EVC: variants seen among roughly 807,000 people sequenced by gnomAD.
EVC encodes the protein evC complex member EVC.
A neutral mutation model predicts 118.9 loss-of-function variants in EVC; 116 were observed. The ratio of observed to expected loss-of-function variants is 0.98; its 90% CI spans 0.84 to 1.14. The LOEUF (loss-of-function observed/expected upper bound fraction) is 1.14, where lower values mean the gene tolerates loss of function less well. EVC is among the 50% of genes most tolerant of loss of function. The probability of loss-of-function intolerance (pLI) is 0.00; values close to 1 mark genes in which losing one functional copy is unlikely to be tolerated. For missense variants in EVC, 1,401 were observed against 1,246.4 expected, an observed-to-expected ratio of 1.12 and a Z score of -1.87; for synonymous variants, 619 against 534.7, an observed-to-expected ratio of 1.16 and a Z score of -2.18.
At chr4:5,747,828 A>T (rs900255223) in intron 7 of EVC, among the ~76,000 whole-genome samples, 2 of 152,240 alleles carry the variant, frequency 1.3e-5, no homozygotes, top group Non-Finnish European at 2.9e-5. Context: ...GTCACATTTC[A>T]TCGGCCCCTA....
chr4:5,814,800 A>C (rs1577684316), downstream of EVC, among the ~76,000 whole-genome samples: 3 of 142,830 alleles, frequency 2.1e-5, no homozygotes, highest in South Asian at 2.3e-4. Flanking sequence ...GCTCCTAGCC[A>C]CTCCTCACAT....
rs1730934016 is a variant in EVC at position 5,754,923 on chromosome 4, G to A, written c.1464+990G>A. On this transcript the variant is annotated intron_variant, in intron 10 of 20. Transcript: ENST00000264956. The surrounding 1 kb of genome is among the most constrained non-coding windows in gnomAD (Gnocchi z 5.8). ...TCTGCCAAGGGGTGGGTGGCACCAT[G>A]TCTGGGTCCAGGCTCAGCCCAGAAT... Among the ~76,000 whole-genome samples the A allele has an allele frequency of 1.3e-5, 2 of 152,106 alleles. No individual in the cohort carries two copies. The highest frequency in any genetic ancestry group is 1.3e-4 in the Admixed American group (2 of 15,282).
At chr4:5,761,519 G>A (rs1732011237) in intron 11 of EVC, among the ~76,000 whole-genome samples, 2 of 146,996 alleles carry the variant, frequency 1.4e-5, no homozygotes, top group African/African-American at 5.1e-5. Flanking sequence ...TGGTTGGGGG[G>A]TGGGGCAGCA....
Position 5,742,922 on chromosome 4 carries a change from G to T in EVC, c.801+1108G>T, listed in dbSNP as rs187882989. Among the ~76,000 whole-genome samples the T allele has an allele frequency of 4.6e-5, 7 of 152,340 alleles. No individual in the cohort carries two copies. The East Asian group carries it at 9.6e-4, about 21-fold the overall frequency. On this transcript the variant is annotated intron_variant, in intron 6 of 20. Coordinates refer to ENST00000264956, the MANE Select transcript of EVC (RefSeq NM_153717.3). The surrounding 1 kb of genome is among the most constrained non-coding windows in gnomAD (Gnocchi z 5.2). Reference sequence around the variant, plus strand: ...ACTCCTTGCGGAGCAGGGCTAACCCGTAGGCAGTGTGCCCAGAGTTGGTAA... The same window carrying T: ...ACTCCTTGCGGAGCAGGGCTAACCCTTAGGCAGTGTGCCCAGAGTTGGTAA...
chr4:5,825,931 C>CATGCAGTCATGCACACATAT, the EVC span: 1 of 490,368 alleles, frequency 2.0e-6, no homozygotes, highest in Non-Finnish European at 3.6e-6. This position sits in a 1 kb window ranked among gnomAD's most constrained non-coding sequence, Gnocchi z 4.4. Context: ...CACTCACATA[C>CATGCAGTCATGCACACATAT]ATGCAGTCAT....
Position 5,719,942 on chromosome 4 carries a change from A to G in EVC, c.300+569A>G, listed in dbSNP as rs565356988. Among the ~76,000 whole-genome samples, 9 of 152,220 alleles carry G rather than the reference A, an allele frequency of 5.9e-5. No homozygotes were observed. The highest frequency in any genetic ancestry group is 2.2e-4 in the African/African-American group (9 of 41,520). On this transcript the variant is annotated intron_variant, in intron 2 of 20. Transcript: ENST00000264956. The surrounding 1 kb of genome is among the most constrained non-coding windows in gnomAD (Gnocchi z 4.7). Reference sequence around the variant, plus strand: ...ACTGTAATGAATAAGCCTACTATGAATGTTGGTGCATAAGTCTGTTTATTT... The same window carrying G: ...ACTGTAATGAATAAGCCTACTATGAGTGTTGGTGCATAAGTCTGTTTATTT...
At chr4:5,712,717 G>A (rs1283779531) in intron 1 of EVC, among the ~76,000 whole-genome samples, 1 of 152,180 alleles carries the variant, frequency 6.6e-6, no homozygotes. Flanking sequence ...GAGCTGATGA[G>A]GGCTGAAACT....
At chr4:5,762,822 G>A (rs1217362888) in intron 11 of EVC, among the ~76,000 whole-genome samples, 6 of 70,590 alleles carry the variant, frequency 8.5e-5, no homozygotes, top group Non-Finnish European at 1.2e-4. Context: ...ACATGAGTAG[G>A]TTGCGAAAAT....
rs1419271550 is a variant in EVC at position 5,812,885 on chromosome 4, C to T, written c.*1848C>T. 2 of 152,278 alleles carry T rather than the reference C, an allele frequency of 1.3e-5. No individual in the cohort carries two copies. The highest frequency in any genetic ancestry group is 2.9e-5 in the Non-Finnish European group (2 of 68,086). 9.4% of individuals were successfully genotyped at this position (152,278 alleles called of 1,614,324 possible). On this transcript the variant is annotated 3_prime_UTR_variant, in exon 21 of 21. Transcript: ENST00000264956. Reference sequence around the variant, plus strand: ...TGTGCTGAGTCAAAGGGTGCCTTGCCCTGGTCTAATCCAGGACATAGCCGT... The same window carrying T: ...TGTGCTGAGTCAAAGGGTGCCTTGCTCTGGTCTAATCCAGGACATAGCCGT...
At chr4:5,827,187 C>G in the EVC span, among the ~76,000 whole-genome samples, 2 of 152,234 alleles carry the variant, frequency 1.3e-5, no homozygotes, top group African/African-American at 4.8e-5. Flanking sequence ...CTCACGGAAG[C>G]TGACTGTTAA....
chr4:5,764,535 A>C (rs1732568468), intron 11 of EVC, among the ~76,000 whole-genome samples: 1 of 148,114 alleles, frequency 6.8e-6, no homozygotes, highest in Admixed American at 6.7e-5. Context: ...CTGGTCCTGG[A>C]CTCTTTTTGG....
At chr4:5,740,478 A>C (rs949009077) in intron 5 of EVC, among the ~76,000 whole-genome samples, 1 of 151,624 alleles carries the variant, frequency 6.6e-6, no homozygotes, top group East Asian at 1.9e-4. Flanking sequence ...CTCAAAAAAA[A>C]AAAAAAAAAG....
intron 11 of EVC, among the ~76,000 whole-genome samples, chr4:5,782,218 C>G (rs1278871988): frequency 6.6e-6 from 1 of 151,172 alleles, no homozygotes; most frequent in Non-Finnish European, 1.5e-5. Flanking sequence ...GGATTACAGA[C>G]GTGCGCCACC....
intron 11 of EVC, among the ~76,000 whole-genome samples, chr4:5,780,212 T>C (rs918902707): frequency 1.3e-5 from 2 of 152,188 alleles, no homozygotes; most frequent in Non-Finnish European, 2.9e-5. Flanking sequence ...CAGCAGCACA[T>C]CAAAAAGCTT....
intron 2 of EVC, among the ~76,000 whole-genome samples, chr4:5,726,859 A>G (rs1030126939): frequency 5.9e-5 from 9 of 151,458 alleles, no homozygotes; most frequent in African/African-American, 2.2e-4. Flanking sequence ...ACTGAGAATG[A>G]TGATTTCCAA....
At position 5,753,888 on chromosome 4, in the gene EVC, C is replaced by T. The variant is rs753483489; in HGVS notation, c.1419C>T (p.Phe473=). The stretch of plus-strand genomic sequence containing the variant: ...CCCAAGAGGAGGAACAGAGAAGCTT[C>T]CTGGCTGAGGCCCAGCCGACTGCTG... ...TLAQEEEQRS[F]LAEAQPTADP... Residue 473 remains phenylalanine (F), a synonymous_variant, in exon 10 of 21, where the codon TTC becomes TTT. Transcript: ENST00000264956. 1.9e-6 allele frequency: 3 copies of T among 1,613,730 alleles called. No homozygotes were observed. In the African/African-American group the frequency reaches 4.0e-5, roughly 22 times the overall value.
At chr4:5,760,221 G>C (rs1354352809) in intron 11 of EVC, among the ~76,000 whole-genome samples, 1 of 151,942 alleles carries the variant, frequency 6.6e-6, no homozygotes, top group Non-Finnish European at 1.5e-5. Flanking sequence ...TTCACAATAC[G>C]GAAGTTCCTG....
At position 5,738,539 on chromosome 4, in the gene EVC, C is replaced by A. The variant is rs1001160288; in HGVS notation, c.703-3177C>A. On this transcript the variant is annotated intron_variant, in intron 5 of 20. Coordinates refer to ENST00000264956, the MANE Select transcript of EVC (RefSeq NM_153717.3). The surrounding 1 kb of genome is among the most constrained non-coding windows in gnomAD (Gnocchi z 6.5). ...CACAGCCACCCTAACCTTCAGCAAC[C>A]ACTACCCTCATAAGTCAGTAGCCAT... Among the ~76,000 whole-genome samples, 7 of 152,066 alleles carry A rather than the reference C, an allele frequency of 4.6e-5. No individual in the cohort carries two copies. Among genetic ancestry groups the A allele is most frequent in the Non-Finnish European group, 8.8e-5 (6 of 68,014 alleles).
intron 16 of EVC, among the ~76,000 whole-genome samples, chr4:5,804,247 T>C (rs762236023): frequency 3.2e-4 from 49 of 152,286 alleles, no homozygotes; most frequent in Admixed American, 7.2e-4. Context: ...CTCACTTTAC[T>C]TTTAAAGCTT....
Sources: gnomAD v4.1 joint callset for allele counts (sites outside exome capture counted in the v4.1 genomes callset) on GRCh38, gnomAD v4.1.1 for gene constraint, Gnocchi (gnomAD v3.1) non-coding constraint, MANE v1.5 for transcripts, NCBI Gene and HGNC (gene_info 2026-07-23, HGNC 2026-07-21) for gene names.